STK33: variants seen among roughly 807,000 people sequenced by gnomAD.
STK33 encodes the protein serine/threonine-protein kinase 33.
In STK33, 52 loss-of-function variants were observed where a neutral mutation model predicts 58.0. That is an observed-to-expected ratio of 0.90 (90% CI 0.72 to 1.13). The LOEUF (loss-of-function observed/expected upper bound fraction) is 1.13, where lower values mean the gene tolerates loss of function less well. STK33 is among the 50% of genes most tolerant of loss of function. STK33 has a pLI of 0.00. For missense variants in STK33, 630 were observed against 604.2 expected (o/e 1.04, Z -0.45); for synonymous variants, 215 against 200.1 (o/e 1.07, Z -0.63).
chr11:8,510,372 C>T (rs796764441), intron 1 of STK33, among the ~76,000 whole-genome samples: 7 of 151,758 alleles, frequency 4.6e-5, no homozygotes, highest in Non-Finnish European at 1.5e-5. Flanking sequence ...TGTTGACTTG[C>T]TTAAGTTCCT....
At position 8,553,197 on chromosome 11, in the gene STK33, TGG is replaced by T. The variant is rs1491433760; in HGVS notation, c.-466+40884_-466+40885del. Among the ~76,000 whole-genome samples the T allele has an allele frequency of 7.7e-3, 485 of 62,916 alleles. 6 individuals carry two copies. Among genetic ancestry groups the T allele is most frequent in the Middle Eastern group, 0.019 (2 of 108 alleles). The allele number at this position is 62,916 out of a possible 152,430, so 41.3% of individuals were successfully genotyped here. A position where few individuals can be genotyped will look rare whatever the true frequency, so the allele number is the denominator to read the frequency against. ...ATATATATATATATATATATATATA[TGG>T]TGTATATATATATATATATATATAT... is the stretch of plus-strand genomic sequence containing the variant. On this transcript the variant is annotated intron_variant, in intron 1 of 15. Transcript: ENST00000687296.
intron 15 of STK33, among the ~76,000 whole-genome samples, chr11:8,402,341 C>G (rs1307202589): frequency 6.6e-6 from 1 of 152,122 alleles, no homozygotes; most frequent in African/African-American, 2.4e-5. Flanking sequence ...TGGAAACCAT[C>G]ATTCTCAGCA....
chr11:8,540,986 C>A (rs1311746950), intron 1 of STK33, among the ~76,000 whole-genome samples: 2 of 138,296 alleles, frequency 1.4e-5, no homozygotes, highest in African/African-American at 2.7e-5. Context: ...CTCTCTCTCT[C>A]TCTCTCTCTA....
Position 8,475,018 on chromosome 11 carries a change from T to G in STK33, c.-113A>C. The G allele has an allele frequency of 1.0e-6, 1 of 955,188 alleles. No homozygotes were observed. Among genetic ancestry groups the G allele is most frequent in the Non-Finnish European group, 1.5e-6 (1 of 646,512 alleles). The allele number at this position is 955,188 out of a possible 1,614,324, so 59.2% of individuals were successfully genotyped here. On this transcript the variant is annotated 5_prime_UTR_variant, in exon 5 of 16. Coordinates refer to ENST00000687296, the MANE Select transcript of STK33 (RefSeq NM_001352389.2). ...GGTGAAAACTGTAATTTCGAACTGGTGAAGTCCTCAGGTTAAGGATGCACT... is the reference window on the plus strand; with the variant it reads ...GGTGAAAACTGTAATTTCGAACTGGGGAAGTCCTCAGGTTAAGGATGCACT...
the STK33 span, among the ~76,000 whole-genome samples, chr11:8,361,467 C>T: frequency 1.3e-5 from 2 of 151,944 alleles, no homozygotes; most frequent in African/African-American, 4.8e-5. The surrounding 1 kb of genome is among the most constrained non-coding windows in gnomAD (Gnocchi z 4.8). Flanking sequence ...CCCTTCACCC[C>T]AGCCCCCACC....
At chr11:8,566,558 G>A (rs1957455807) in intron 1 of STK33, among the ~76,000 whole-genome samples, 1 of 152,180 alleles carries the variant, frequency 6.6e-6, no homozygotes, top group South Asian at 2.1e-4. Context: ...GTGCCAGATA[G>A]CATCTCATAG....
At chr11:8,537,949 GGCCGAGGCAGGAGGATTGCTTGA>G (rs1262104940) in intron 1 of STK33, among the ~76,000 whole-genome samples, 1 of 151,898 alleles carries the variant, frequency 6.6e-6, no homozygotes, top group Non-Finnish European at 1.5e-5. Context: ...CACTTTGGGA[GGCCGAGGCAGGAGGATTGCTTGA>G]GCCGAGGCAT....
In STK33 at chr11:8,577,584, A is replaced by G. The variant is rs1021510593; in HGVS notation, c.-466+16499T>C. Among the ~76,000 whole-genome samples, 5 of 152,206 alleles carry G rather than the reference A, an allele frequency of 3.3e-5. No individual in the cohort carries two copies. The East Asian group carries it at 9.6e-4, about 29-fold the overall frequency. ...TTCTTTACTATACATATTCTTTTTA[A>G]AAACTCTAGAATCACTCCTGGACAT... On this transcript the variant is annotated intron_variant, in intron 1 of 15. Transcript: ENST00000687296.
In STK33 at chr11:8,543,219, T is replaced by G. The variant is rs1327314400; in HGVS notation, c.-466+50864A>C. 3.3e-5 allele frequency among the ~76,000 whole-genome samples: 5 copies of G among 152,216 alleles called. No individual in the cohort carries two copies. The East Asian group carries it at 9.6e-4, about 29-fold the overall frequency. On this transcript the variant is annotated intron_variant, in intron 1 of 15. Transcript: ENST00000687296. ...AAGGAATCTAAAAGAGGGACGCATA[T>G]TCACCATTTAATTGTCACTTAAATC...
rs187265173 is a variant in STK33 at position 8,558,553 on chromosome 11, T to C, written c.-466+35530A>G. Among the ~76,000 whole-genome samples the C allele has an allele frequency of 1.2e-4, 19 of 152,088 alleles. No individual in the cohort carries two copies. The East Asian group carries it at 3.5e-3, about 28-fold the overall frequency. Reference sequence around the variant, plus strand: ...GATATAGGCATTTGAAAGACTGTAGTTTTTGAATTAATCAAGGGTGCCAGA... The same window carrying C: ...GATATAGGCATTTGAAAGACTGTAGCTTTTGAATTAATCAAGGGTGCCAGA... On this transcript the variant is annotated intron_variant, in intron 1 of 15. Coordinates refer to ENST00000687296, the MANE Select transcript of STK33 (RefSeq NM_001352389.2).
chr11:8,449,977 T>C (rs1359276912), intron 11 of STK33, among the ~76,000 whole-genome samples: 1 of 152,188 alleles, frequency 6.6e-6, no homozygotes, highest in Non-Finnish European at 1.5e-5. Flanking sequence ...AGTTCAACCA[T>C]TGTGGAATAC....
At chr11:8,492,149 C>A (rs2138720213) in intron 1 of STK33, among the ~76,000 whole-genome samples, 1 of 152,162 alleles carries the variant, frequency 6.6e-6, no homozygotes, top group South Asian at 2.1e-4. Flanking sequence ...CACAGACTGG[C>A]CAATGAGATA....
At chr11:8,507,928 T>C (rs1951994471) in intron 1 of STK33, among the ~76,000 whole-genome samples, 1 of 152,234 alleles carries the variant, frequency 6.6e-6, no homozygotes, top group Non-Finnish European at 1.5e-5. Context: ...TCTCACTCTG[T>C]CGCCCATGTT....
the STK33 span, among the ~76,000 whole-genome samples, chr11:8,337,642 G>C: frequency 4.0e-5 from 5 of 124,332 alleles, no homozygotes; most frequent in African/African-American, 1.5e-4. Flanking sequence ...CGACGGCGGG[G>C]GGCGGGGGGG....
intron 14 of STK33, among the ~76,000 whole-genome samples, chr11:8,425,597 G>A (rs1216739631): frequency 1.3e-5 from 2 of 152,068 alleles, no homozygotes; most frequent in Non-Finnish European, 2.9e-5. Context: ...GTTAGTGTTT[G>A]CCTGATATGT....
intron 15 of STK33, among the ~76,000 whole-genome samples, chr11:8,398,919 G>A (rs1048511410): frequency 7.1e-4 from 108 of 152,206 alleles, no homozygotes; most frequent in African/African-American, 2.5e-3. Flanking sequence ...AGAGCTAACT[G>A]TCCTAAATAT....
At chr11:8,519,834 A>C (rs1224830346) in intron 1 of STK33, among the ~76,000 whole-genome samples, 1 of 152,210 alleles carries the variant, frequency 6.6e-6, no homozygotes, top group East Asian at 1.9e-4. Context: ...CAGGTTCTGA[A>C]ATTGAGGCAA....
intron 14 of STK33, among the ~76,000 whole-genome samples, chr11:8,414,770 C>A (rs1365638922): frequency 6.6e-6 from 1 of 152,128 alleles, no homozygotes; most frequent in African/African-American, 2.4e-5. Context: ...TCATAACATC[C>A]CATTACACCT....
chr11:8,381,454 C>G, the STK33 span, among the ~76,000 whole-genome samples: 1 of 152,130 alleles, frequency 6.6e-6, no homozygotes, highest in Non-Finnish European at 1.5e-5. Context: ...AAAGCAGGGA[C>G]AGCTGCTGGG....
Sources: gnomAD v4.1 joint callset for allele counts (sites outside exome capture counted in the v4.1 genomes callset) on GRCh38, gnomAD v4.1.1 for gene constraint, Gnocchi (gnomAD v3.1) non-coding constraint, MANE v1.5 for transcripts, NCBI Gene and HGNC (gene_info 2026-07-23, HGNC 2026-07-21) for gene names.